PKD1L1: variants seen among roughly 807,000 people sequenced by gnomAD.
The protein encoded by PKD1L1 is polycystin 1 like 1, transient receptor potential channel interacting.
A neutral mutation model predicts 323.4 loss-of-function variants in PKD1L1; 236 were observed. The ratio of observed to expected loss-of-function variants is 0.73; its 90% CI spans 0.66 to 0.81. The LOEUF (loss-of-function observed/expected upper bound fraction) is 0.81, where lower values mean the gene tolerates loss of function less well. PKD1L1 is among the 40% of genes least tolerant of loss of function. The pLI is 0.00. For synonymous variants in PKD1L1, 1,344 were observed against 1,335.0 expected (o/e 1.01, Z -0.15); for missense variants, 3,320 against 3,508.0 (o/e 0.95, Z 1.35).
Position 47,788,584 on chromosome 7 carries a change from TTTTTTAA to T in PKD1L1, c.8526+4036_8526+4042del, listed in dbSNP as rs1269765556. The stretch of plus-strand genomic sequence containing the variant: ...AGTTATATATATATATATATTTTTT[TTTTTTAA>T]TTTTAATTTTAATTTTTTTTTTGAG... On this transcript the variant is annotated intron_variant, in intron 56 of 56. Transcript: ENST00000289672. 9.6e-5 allele frequency among the ~76,000 whole-genome samples: 14 copies of T among 146,558 alleles called. 1 individual carries two copies. The South Asian group carries it at 3.0e-3, about 31-fold the overall frequency.
At chr7:47,844,797 T>C (rs1022300608) in intron 33 of PKD1L1, among the ~76,000 whole-genome samples, 198 bp downstream of exon 33, 1 of 152,224 alleles carries the variant, frequency 6.6e-6, no homozygotes, top group Non-Finnish European at 1.5e-5. Context: ...AATTCAAGTA[T>C]AGAGAGACAA....
At chr7:47,832,537 C>G (rs1016300166) in intron 41 of PKD1L1, among the ~76,000 whole-genome samples, 18 of 152,320 alleles carry the variant, frequency 1.2e-4, no homozygotes, top group Admixed American at 1.2e-3. Flanking sequence ...ACACAAGGAC[C>G]TGGGCTGAGC....
intron 2 of PKD1L1, among the ~76,000 whole-genome samples, chr7:47,941,322 C>T (rs1038629608): frequency 6.6e-5 from 10 of 152,196 alleles, no homozygotes; most frequent in Non-Finnish European, 1.3e-4. Flanking sequence ...GCCTGCAGGC[C>T]GCCGAGAGCA....
At chr7:47,932,192 C>G in intron 4 of PKD1L1, 136 bp from the exon 5 acceptor site, 1 of 1,383,490 alleles carries the variant, frequency 7.2e-7, no homozygotes, top group Non-Finnish European at 9.7e-7. Flanking sequence ...CAGGCTCATT[C>G]CTGGGAGTCA....
intron 56 of PKD1L1, 47 bp from the exon 57 acceptor site, chr7:47,775,213 A>C (rs759167894): frequency 1.2e-5 from 19 of 1,611,336 alleles, no homozygotes; most frequent in Non-Finnish European, 1.4e-5. Context: ...CCCCTCTCTC[A>C]GTGATTGACA....
chr7:47,908,575 A>G (rs1787256760), intron 8 of PKD1L1, among the ~76,000 whole-genome samples: 1 of 152,202 alleles, frequency 6.6e-6, no homozygotes, highest in Admixed American at 6.5e-5. Flanking sequence ...GCAGTAGGAA[A>G]TATTCATAAG....
intron 37 of PKD1L1, among the ~76,000 whole-genome samples, 188 bp downstream of exon 37, chr7:47,836,733 C>T (rs1300906510): frequency 6.6e-6 from 1 of 152,222 alleles, no homozygotes; most frequent in Non-Finnish European, 1.5e-5. Context: ...CAGAGCTGTG[C>T]AGGGCCACCC....
intron 1 of PKD1L1, among the ~76,000 whole-genome samples, chr7:47,948,140 G>A: frequency 6.6e-6 from 1 of 152,160 alleles, no homozygotes; most frequent in Non-Finnish European, 1.5e-5. Flanking sequence ...TGCAGGAAGA[G>A]CAATCAGCAC....
intron 54 of PKD1L1, among the ~76,000 whole-genome samples, chr7:47,799,209 T>C (rs1476250749): frequency 6.6e-6 from 1 of 152,102 alleles, no homozygotes; most frequent in Non-Finnish European, 1.5e-5. Context: ...GGTGGATAGG[T>C]GGACAGGTAA....
chr7:47,780,449 T>C (rs752097963), intron 56 of PKD1L1, among the ~76,000 whole-genome samples: 1 of 152,090 alleles, frequency 6.6e-6, no homozygotes, highest in Non-Finnish European at 1.5e-5. Context: ...CTGGCCAACA[T>C]GGTGAAAACC....
intron 51 of PKD1L1, 53 bp from the exon 52 acceptor site, chr7:47,808,440 T>C: frequency 6.2e-7 from 1 of 1,604,492 alleles, no homozygotes; most frequent in Non-Finnish European, 8.5e-7. Context: ...AGGGCTTACC[T>C]GGCACCCCAT....
At chr7:47,857,494 C>A (rs1785929978) in intron 28 of PKD1L1, 111 bp downstream of exon 28, 2 of 886,514 alleles carry the variant, frequency 2.3e-6, no homozygotes, top group Admixed American at 4.7e-5. Context: ...TGCAAACATG[C>A]AAAAAACAGG....
intron 7 of PKD1L1, 66 bp downstream of exon 7, chr7:47,929,138 G>T: frequency 2.0e-6 from 3 of 1,476,832 alleles, no homozygotes; most frequent in Non-Finnish European, 2.8e-6. Context: ...TCCCAACACT[G>T]CCTCTTGGGT....
intron 20 of PKD1L1, 93 bp from the exon 21 acceptor site, chr7:47,880,898 C>G: frequency 1.0e-6 from 1 of 975,450 alleles, no homozygotes. Flanking sequence ...CCACTCTTCC[C>G]CCAGGGGTGA....
chr7:47,826,198 G>A (rs1241892508), intron 45 of PKD1L1, among the ~76,000 whole-genome samples: 2 of 152,174 alleles, frequency 1.3e-5, no homozygotes, highest in African/African-American at 2.4e-5. Flanking sequence ...ACCATGTTCC[G>A]TAGCTGCTAA....
intron 56 of PKD1L1, among the ~76,000 whole-genome samples, chr7:47,781,758 T>C (rs1452991399): frequency 1.3e-5 from 2 of 152,066 alleles, no homozygotes; most frequent in African/African-American, 2.4e-5. Flanking sequence ...TTTTCTCCTG[T>C]TTTTTTCTCC....
intron 46 of PKD1L1, among the ~76,000 whole-genome samples, chr7:47,819,001 G>A (rs1338089403): frequency 1.3e-5 from 2 of 152,116 alleles, no homozygotes; most frequent in African/African-American, 4.8e-5. Flanking sequence ...TGAGTTGGGG[G>A]CCCAGTCTCG....
chr7:47,849,521 C>T (rs1163020063), intron 31 of PKD1L1, among the ~76,000 whole-genome samples: 1 of 152,044 alleles, frequency 6.6e-6, no homozygotes, highest in Non-Finnish European at 1.5e-5. Context: ...ATAACCCCAT[C>T]AAAAAGTGGG....
intron 34 of PKD1L1, 113 bp downstream of exon 34, chr7:47,842,849 G>T (rs925255282): frequency 2.0e-6 from 2 of 1,011,596 alleles, no homozygotes; most frequent in Non-Finnish European, 2.9e-6. Context: ...TCAGCAATGA[G>T]ATGAGGCTGC....
Sources: gnomAD v4.1 joint callset for allele counts (sites outside exome capture counted in the v4.1 genomes callset) on GRCh38, gnomAD v4.1.1 for gene constraint, MANE v1.5 for transcripts, NCBI Gene and HGNC (gene_info 2026-07-23, HGNC 2026-07-21) for gene names.